TACR3: variants seen among roughly 807,000 people sequenced by gnomAD.
TACR3 encodes neuromedin-K receptor.
In TACR3, 34 loss-of-function variants were observed where a neutral mutation model predicts 35.0. That is an observed-to-expected ratio of 0.97 (90% CI 0.74 to 1.30). The LOEUF is 1.30. TACR3 is among the 50% of genes most tolerant of loss of function. TACR3 has a pLI of 0.00. For missense variants in TACR3, 558 were observed against 591.7 expected (o/e 0.94, Z 0.59); for synonymous variants, 233 against 221.1 (o/e 1.05, Z -0.48).
At chr4:103,615,396 TGTGAGAGA>T (rs762388864) in intron 3 of TACR3, among the ~76,000 whole-genome samples, 39 of 122,550 alleles carry the variant, frequency 3.2e-4, no homozygotes, top group Middle Eastern at 4.3e-3. Context: ...TGTGTGTGTG[TGTGAGAGA>T]GAGAGAGAGA....
intron 1 of TACR3, among the ~76,000 whole-genome samples, chr4:103,710,400 A>AATG (rs1486715845): frequency 1.3e-5 from 2 of 152,206 alleles, no homozygotes; most frequent in Non-Finnish European, 2.9e-5. Flanking sequence ...CGTGCTCCTG[A>AATG]ATGACTACTG....
chr4:103,680,651 TAAG>T (rs1205170835), intron 1 of TACR3, among the ~76,000 whole-genome samples: 2 of 151,556 alleles, frequency 1.3e-5, no homozygotes, highest in Non-Finnish European at 3.0e-5. Flanking sequence ...AACAGATAGC[TAAG>T]AATAGAAATC....
intron 3 of TACR3, among the ~76,000 whole-genome samples, chr4:103,616,916 A>G (rs998882805): frequency 3.9e-5 from 6 of 152,192 alleles, no homozygotes; most frequent in African/African-American, 7.2e-5. Flanking sequence ...CCACTGCACT[A>G]TCACCTGGTA....
Position 103,635,163 on chromosome 4 carries a change from A to G in TACR3, c.888+21031T>C, listed in dbSNP as rs72945363. 8.7e-3 allele frequency among the ~76,000 whole-genome samples: 1,329 copies of G among 152,092 alleles called. 20 individuals carry two copies. The highest frequency in any genetic ancestry group is 0.03 in the African/African-American group (1,246 of 41,518). ...GACAAAACTACTACATATAAACATGACATTGTACTATAAGTATGATTTAAT... is the reference window on the plus strand; with the variant it reads ...GACAAAACTACTACATATAAACATGGCATTGTACTATAAGTATGATTTAAT... On this transcript the variant is annotated intron_variant, in intron 3 of 4. Coordinates refer to ENST00000304883, the MANE Select transcript of TACR3 (RefSeq NM_001059.3).
At chr4:103,599,570 AG>A (rs1578219676) in intron 3 of TACR3, among the ~76,000 whole-genome samples, 2 of 152,342 alleles carry the variant, frequency 1.3e-5, no homozygotes, top group East Asian at 3.9e-4. Flanking sequence ...TTGCCCATTC[AG>A]TATGATATTG....
At chr4:103,607,939 G>C (rs2110295663) in intron 3 of TACR3, among the ~76,000 whole-genome samples, 1 of 152,222 alleles carries the variant, frequency 6.6e-6, no homozygotes, top group South Asian at 2.1e-4. Flanking sequence ...GTTTTAGTAA[G>C]ATAAGAAATG....
Position 103,719,283 on chromosome 4 carries a change from G to C in TACR3, c.393C>G (p.Asp131Glu), listed in dbSNP as rs200691126. ...ACGTGTTGAAGGCGGCCATGGAGGC[G>C]TCGGAGAAAGCCAGGTTCACAAGGA... Reference protein sequence around the residue: ...NYFLVNLAFSDASMAAFNTLV... With the variant: ...NYFLVNLAFSEASMAAFNTLV... The change falls in exon 1 of 5, where the codon GAC becomes GAG. Residue 131 changes from aspartate to glutamate, a missense_variant. By Grantham distance (45) the Asp-to-Glu change is conservative. Transcript: ENST00000304883. 6.2e-7 allele frequency: 1 copy of C among 1,614,234 alleles called. No individual in the cohort carries two copies. The highest frequency in any genetic ancestry group is 2.2e-5 in the East Asian group (1 of 44,882).
chr4:103,638,652 C>T (rs1306818590), intron 3 of TACR3, among the ~76,000 whole-genome samples: 1 of 152,106 alleles, frequency 6.6e-6, no homozygotes, highest in East Asian at 1.9e-4. Context: ...AGTGAACAGA[C>T]AACCTACAGA....
intron 3 of TACR3, among the ~76,000 whole-genome samples, chr4:103,605,059 C>G (rs1264069211): frequency 6.8e-6 from 1 of 147,674 alleles, no homozygotes; most frequent in African/African-American, 2.6e-5. Flanking sequence ...CAATTCCCAC[C>G]TATGAGTGAG....
At chr4:103,614,884 G>GGTTTTTTTTTTTTTTTTTTT (rs1724601041) in intron 3 of TACR3, among the ~76,000 whole-genome samples, 1 of 72,006 alleles carries the variant, frequency 1.4e-5, no homozygotes, top group Non-Finnish European at 2.6e-5. Context: ...TTATGAATGT[G>GGTTTTTTTTTTTTTTTTTTT]TTTTTTTTTT....
rs542387991 is a variant in TACR3 at position 103,591,321 on chromosome 4, G to A, written c.1085+166C>T. 4.1e-6 allele frequency: 3 copies of A among 733,772 alleles called. No individual in the cohort carries two copies. The South Asian group carries it at 4.9e-5, about 12-fold the overall frequency. The allele number at this position is 733,772 out of a possible 1,614,324, so 45.5% of individuals were successfully genotyped here. ...ATTAATGTGGGATGCTTTATAAAGT[G>A]TGTATGGGGGTCTTGAAAGATAAAG... On this transcript the variant is annotated intron_variant, in intron 4 of 4. Transcript: ENST00000304883.
At chr4:103,614,574 AT>A (rs1323724474) in intron 3 of TACR3, among the ~76,000 whole-genome samples, 1 of 152,208 alleles carries the variant, frequency 6.6e-6, no homozygotes, top group Admixed American at 6.5e-5. Flanking sequence ...AAGTTACAAA[AT>A]TTGATTTAAA....
chr4:103,717,710 C>A (rs1440644811), intron 1 of TACR3, among the ~76,000 whole-genome samples: 2 of 151,944 alleles, frequency 1.3e-5, no homozygotes, highest in Admixed American at 1.3e-4. Context: ...GAAAAACAAA[C>A]AAAGCAAAAC....
Position 103,642,369 on chromosome 4 carries a change from G to T in TACR3, c.888+13825C>A, listed in dbSNP as rs182961028. Among the ~76,000 whole-genome samples, 752 of 116,986 alleles carry T rather than the reference G, an allele frequency of 6.4e-3. 12 individuals are homozygous for T. Among genetic ancestry groups the T allele is most frequent in the African/African-American group, 0.038 (720 of 19,068 alleles). 76.7% of individuals were successfully genotyped at this position (116,986 alleles called of 152,430 possible). A position where few individuals can be genotyped will look rare whatever the true frequency, so the allele number is the denominator to read the frequency against. On this transcript the variant is annotated intron_variant, in intron 3 of 4. Coordinates refer to ENST00000304883, the MANE Select transcript of TACR3 (RefSeq NM_001059.3). Reference sequence around the variant, plus strand: ...AAAAATGAGTAAAAATAGAAAAAATGTTGCTTTTTTAAATTGGCAAATTAT... The same window carrying T: ...AAAAATGAGTAAAAATAGAAAAAATTTTGCTTTTTTAAATTGGCAAATTAT...
chr4:103,656,857 A>G (rs2110329846), intron 2 of TACR3, among the ~76,000 whole-genome samples: 1 of 152,252 alleles, frequency 6.6e-6, no homozygotes, highest in Non-Finnish European at 1.5e-5. Flanking sequence ...TAATTAATCC[A>G]CAAGTTACTA....
chr4:103,626,096 A>ATACTT (rs1220250571), intron 3 of TACR3, among the ~76,000 whole-genome samples: 2 of 152,160 alleles, frequency 1.3e-5, no homozygotes, highest in Non-Finnish European at 2.9e-5. Flanking sequence ...CCAGTCTGTG[A>ATACTT]TACTTTGTTA....
intron 3 of TACR3, among the ~76,000 whole-genome samples, chr4:103,620,921 A>G (rs1470312887): frequency 6.6e-6 from 1 of 152,228 alleles, no homozygotes; most frequent in African/African-American, 2.4e-5. Flanking sequence ...AAGGAAACAG[A>G]TTCATTCATT....
intron 3 of TACR3, among the ~76,000 whole-genome samples, chr4:103,615,398 T>TGTGTGAGAGA (rs367881970): frequency 2.6e-5 from 3 of 117,138 alleles, no homozygotes; most frequent in African/African-American, 8.7e-5. Flanking sequence ...TGTGTGTGTG[T>TGTGTGAGAGA]GAGAGAGAGA....
intron 3 of TACR3, among the ~76,000 whole-genome samples, chr4:103,641,565 AG>A (rs1438535499): frequency 6.6e-6 from 1 of 151,964 alleles, no homozygotes; most frequent in Non-Finnish European, 1.5e-5. Context: ...AACAGTATGA[AG>A]GTTACTCAGA....
Sources: allele counts gnomAD v4.1 joint callset (sites outside exome capture counted in the v4.1 genomes callset), GRCh38; gene constraint gnomAD v4.1.1; transcripts MANE v1.5; gene names NCBI Gene and HGNC (gene_info 2026-07-23, HGNC 2026-07-21).